SNTB1: variants seen among roughly 807,000 people sequenced by gnomAD.
The protein encoded by SNTB1 is beta-1-syntrophin.
SNTB1 carries 36 observed loss-of-function variants against 48.9 expected under a neutral mutation model. That is an observed-to-expected ratio of 0.74 (90% CI 0.56 to 0.97). The LOEUF is 0.97. Ranked by LOEUF, SNTB1 falls within the 50% of genes least tolerant of loss-of-function variation. The pLI is 0.00. For missense variants in SNTB1, 786 were observed against 703.4 expected, an observed-to-expected ratio of 1.12 and a Z score of -1.33; for synonymous variants, 299 against 294.6, an observed-to-expected ratio of 1.01 and a Z score of -0.15.
At chr8:120,719,063 T>C (rs1030502562) in intron 1 of SNTB1, among the ~76,000 whole-genome samples, 8 of 152,192 alleles carry the variant, frequency 5.3e-5, no homozygotes, top group Non-Finnish European at 1.2e-4. Context: ...GAGAAGGAAC[T>C]CATTAACCTG....
At chr8:120,761,758 A>G (rs1362541220) in intron 1 of SNTB1, among the ~76,000 whole-genome samples, 1 of 152,204 alleles carries the variant, frequency 6.6e-6, no homozygotes, top group East Asian at 1.9e-4. Flanking sequence ...ATCACTTCCC[A>G]GACATTTTCT....
chr8:120,802,188 A>C (rs1820239917), intron 1 of SNTB1, among the ~76,000 whole-genome samples: 1 of 152,200 alleles, frequency 6.6e-6, no homozygotes, highest in East Asian at 1.9e-4. Flanking sequence ...TATTACATTT[A>C]TGTAAACTTA....
At chr8:120,554,024 C>T (rs1464611999) in intron 4 of SNTB1, among the ~76,000 whole-genome samples, 1 of 152,060 alleles carries the variant, frequency 6.6e-6, no homozygotes, top group Non-Finnish European at 1.5e-5. Flanking sequence ...CTATAAGAAA[C>T]ATATACATCA....
At chr8:120,620,097 C>A (rs1236725544) in intron 3 of SNTB1, among the ~76,000 whole-genome samples, 1 of 151,760 alleles carries the variant, frequency 6.6e-6, no homozygotes, top group Non-Finnish European at 1.5e-5. Context: ...TGTGCACACA[C>A]ACACATATAG....
chr8:120,632,180 A>T (rs1315554690), intron 3 of SNTB1, among the ~76,000 whole-genome samples: 1 of 152,184 alleles, frequency 6.6e-6, no homozygotes, highest in Non-Finnish European at 1.5e-5. Flanking sequence ...GGATCAAACT[A>T]TTCCTCGACT....
intron 1 of SNTB1, among the ~76,000 whole-genome samples, chr8:120,791,125 G>C (rs1395351918): frequency 1.3e-5 from 2 of 151,696 alleles, no homozygotes; most frequent in Non-Finnish European, 2.9e-5. Context: ...TAGACCATTG[G>C]AACAGACTAC....
intron 1 of SNTB1, among the ~76,000 whole-genome samples, chr8:120,743,757 G>A (rs1819081281): frequency 6.6e-6 from 1 of 152,172 alleles, no homozygotes; most frequent in Non-Finnish European, 1.5e-5. Flanking sequence ...CTAAACTTGT[G>A]TATCTCACAC....
intron 1 of SNTB1, among the ~76,000 whole-genome samples, chr8:120,725,290 T>C (rs1420939630): frequency 2.0e-5 from 3 of 152,190 alleles, no homozygotes; most frequent in Admixed American, 6.5e-5. Context: ...TCCACCCCAG[T>C]TGCCCAAAGT....
intron 2 of SNTB1, among the ~76,000 whole-genome samples, chr8:120,672,286 T>C (rs1385045056): frequency 2.0e-5 from 3 of 152,216 alleles, no homozygotes; most frequent in Admixed American, 2.0e-4. Flanking sequence ...AGCATCTGTG[T>C]TACTTATTGA....
intron 2 of SNTB1, among the ~76,000 whole-genome samples, chr8:120,664,076 AC>A (rs975668362): frequency 9.2e-5 from 14 of 152,194 alleles, no homozygotes; most frequent in African/African-American, 3.4e-4. Flanking sequence ...GGCGGATGGT[AC>A]CAAAATAATT....
chr8:120,587,161 C>T (rs966164975), intron 3 of SNTB1, among the ~76,000 whole-genome samples: 1 of 152,028 alleles, frequency 6.6e-6, no homozygotes, highest in African/African-American at 2.4e-5. Flanking sequence ...GTGGAGGTTG[C>T]GGTGAGCCGA....
chr8:120,760,777 A>G (rs10110929), intron 1 of SNTB1, among the ~76,000 whole-genome samples: 18,497 of 152,066 alleles, frequency 0.12, 3,727 homozygotes, highest in African/African-American at 0.42. Flanking sequence ...TCTGACCTGG[A>G]AAAAGGGAAA....
At chr8:120,565,031 T>C (rs892441817) in intron 4 of SNTB1, among the ~76,000 whole-genome samples, 1 of 152,206 alleles carries the variant, frequency 6.6e-6, no homozygotes, top group Admixed American at 6.5e-5. Flanking sequence ...GCAAATCCAA[T>C]GGTCTTCCAT....
intron 2 of SNTB1, among the ~76,000 whole-genome samples, chr8:120,684,334 T>A (rs749356531): frequency 9.2e-5 from 14 of 152,158 alleles, no homozygotes; most frequent in Non-Finnish European, 1.6e-4. Context: ...ATGCCCAAAT[T>A]CATGTCTTTC....
At chr8:120,596,697 A>G (rs925172650) in intron 3 of SNTB1, among the ~76,000 whole-genome samples, 1 of 151,662 alleles carries the variant, frequency 6.6e-6, no homozygotes, top group Non-Finnish European at 1.5e-5. Context: ...GCTCTTCTCC[A>G]CCCTCCCTTC....
intron 2 of SNTB1, among the ~76,000 whole-genome samples, chr8:120,659,228 T>G (rs908193696): frequency 6.6e-6 from 1 of 152,208 alleles, no homozygotes; most frequent in African/African-American, 2.4e-5. Flanking sequence ...CCTCCCAAAG[T>G]GTTGAGATTA....
At chr8:120,710,282 T>G (rs1391569108) in intron 1 of SNTB1, among the ~76,000 whole-genome samples, 2 of 152,172 alleles carry the variant, frequency 1.3e-5, no homozygotes, top group African/African-American at 2.4e-5. Flanking sequence ...AAACTCAAAC[T>G]AAACAACAGG....
intron 3 of SNTB1, among the ~76,000 whole-genome samples, chr8:120,597,660 A>G (rs1253679022): frequency 6.6e-6 from 1 of 152,266 alleles, no homozygotes; most frequent in Non-Finnish European, 1.5e-5. Context: ...GTCATCAGGT[A>G]ATTATACAAA....
rs527483371 is a variant in SNTB1 at position 120,572,741 on chromosome 8, A to G, written c.1136+2345T>C. 6.8e-5 allele frequency among the ~76,000 whole-genome samples: 8 copies of G among 116,982 alleles called. No homozygotes were observed. The East Asian group carries it at 1.7e-3, about 24-fold the overall frequency. The allele number at this position is 116,982 out of a possible 152,430, so 76.7% of individuals were successfully genotyped here. ...CTGTCTCTACTAAAAAAACAAAACG[A>G]ACAAAACAAACAAACAAACAAAAAT... On this transcript the variant is annotated intron_variant, in intron 4 of 6. Transcript: ENST00000517992.
Sources: gnomAD v4.1 joint callset for allele counts (sites outside exome capture counted in the v4.1 genomes callset) on GRCh38, gnomAD v4.1.1 for gene constraint, MANE v1.5 for transcripts, NCBI Gene and HGNC (gene_info 2026-07-23, HGNC 2026-07-21) for gene names.